Variants in NRBP1 observed in about 807,000 individuals in gnomAD.
NRBP1 encodes the protein nuclear receptor-binding protein.
In NRBP1, 10 loss-of-function variants were observed where a neutral mutation model predicts 76.0. That is an observed-to-expected ratio of 0.13 (90% confidence interval 0.08 to 0.22). The LOEUF (loss-of-function observed/expected upper bound fraction) is 0.22. NRBP1 is among the 10% of genes least tolerant of loss of function. The pLI is 1.00. For synonymous variants in NRBP1, 235 were observed against 240.2 expected, an observed-to-expected ratio of 0.98 and a Z score of 0.20; for missense variants, 344 against 646.0, an observed-to-expected ratio of 0.53 and a Z score of 5.07.
chr2:27,438,419 A>G (rs182342916), intron 10 of NRBP1, among the ~76,000 whole-genome samples: 329 of 152,316 alleles, frequency 2.2e-3, no homozygotes, highest in Non-Finnish European at 3.5e-3. Flanking sequence ...CAGTTGATAG[A>G]CTATAGTAAG....
chr2:27,434,195 CAG>C lies in NRBP1; in HGVS notation c.435+107_435+108del, dbSNP rs535892388. 3,710 of 974,306 alleles carry C rather than the reference CAG, an allele frequency of 3.8e-3. 84 individuals are homozygous for C. The highest frequency in any genetic ancestry group is 1.3e-3 in the Non-Finnish European group (849 of 633,484). 60.4% of individuals were successfully genotyped at this position (974,306 alleles called of 1,614,324 possible). A position where few individuals can be genotyped will look rare whatever the true frequency, so the allele number is the denominator to read the frequency against. The stretch of plus-strand genomic sequence containing the variant: ...AGATTAAAACAAGGTAGTTTTGAAA[CAG>C]AACTGGAATCAGCTGCAATGGCGAT... On this transcript the variant is annotated intron_variant, in intron 4 of 17. Coordinates refer to ENST00000379852, the MANE Select transcript of NRBP1 (RefSeq NM_013392.4).
intron 4 of NRBP1, 84 bp downstream of exon 4, chr2:27,434,174 T>A: frequency 8.9e-7 from 1 of 1,121,188 alleles, no homozygotes; most frequent in Non-Finnish European, 1.3e-6. Flanking sequence ...ACTCAGAGAT[T>A]AAAACAAGGT....
chr2:27,436,731 T>C lies in NRBP1; in HGVS notation c.662-22T>C, dbSNP rs1050014218. The C allele has an allele frequency of 5.0e-6, 8 of 1,600,414 alleles. No individual in the cohort carries two copies. In the Admixed American group the frequency reaches 1.0e-4, roughly 20 times the overall value. ...TTCTTCATTGATGATGGTCAGATTG[T>C]GGGTGTCTCCCCTACTCCCAGTGGC... On this transcript the variant is annotated intron_variant, in intron 7 of 17. Coordinates refer to ENST00000379852, the MANE Select transcript of NRBP1 (RefSeq NM_013392.4).
At chr2:27,430,156 C>G (rs1664048617) in intron 1 of NRBP1, among the ~76,000 whole-genome samples, 1 of 152,140 alleles carries the variant, frequency 6.6e-6, no homozygotes, top group South Asian at 2.1e-4. Context: ...CATGAGCCAG[C>G]GCGCCTGGCA....
intron 7 of NRBP1, chr2:27,435,701 C>T (rs1469665139): frequency 2.0e-5 from 14 of 717,580 alleles, no homozygotes; most frequent in East Asian, 1.3e-4. Flanking sequence ...CTCCCGCTTA[C>T]GGGCTGCTCT....
intron 7 of NRBP1, chr2:27,435,464 TAAG>T (rs1664266880): frequency 1.7e-6 from 1 of 604,334 alleles, no homozygotes; most frequent in African/African-American, 1.9e-5. Flanking sequence ...GAGATACTGA[TAAG>T]AGGCTGGGAA....
In NRBP1 at chr2:27,441,547, C is replaced by G. The variant is rs371150876; in HGVS notation, c.1448-20C>G. On this transcript the variant is annotated intron_variant, in intron 16 of 17. Coordinates refer to ENST00000379852, the MANE Select transcript of NRBP1 (RefSeq NM_013392.4). ...CCCTCAGTCCCGTACTGTACTCACC[C>G]CCTCCTGTTTCTTTGTCAGATGAGA... 1 of 1,613,880 alleles carries G rather than the reference C, an allele frequency of 6.2e-7. No homozygotes were observed. The highest frequency in any genetic ancestry group is 8.5e-7 in the Non-Finnish European group (1 of 1,179,828).
At chr2:27,434,420 A>G in intron 4 of NRBP1, 51 bp from the exon 5 acceptor site, 1 of 1,217,292 alleles carries the variant, frequency 8.2e-7, no homozygotes, top group Non-Finnish European at 1.2e-6. Context: ...TTAACAAGGG[A>G]AGGGATCATT....
intron 7 of NRBP1, 83 bp downstream of exon 7, chr2:27,435,310 C>T (rs1383464874): frequency 1.7e-6 from 2 of 1,194,060 alleles, no homozygotes; most frequent in Non-Finnish European, 2.4e-6. Flanking sequence ...TGGGGGATAA[C>T]AGAGCAAAAT....
chr2:27,439,355 G>A (rs1434939089), intron 10 of NRBP1, among the ~76,000 whole-genome samples: 1 of 151,702 alleles, frequency 6.6e-6, no homozygotes, highest in Admixed American at 6.6e-5. Context: ...CATGGTGGTG[G>A]GCACCTGTAG....
At position 27,430,578 on chromosome 2, in the gene NRBP1, C is replaced by T. The variant is rs187972942; in HGVS notation, c.-21+1847C>T. Among the ~76,000 whole-genome samples the T allele has an allele frequency of 5.9e-3, 896 of 150,846 alleles. 7 individuals are homozygous for T. Among genetic ancestry groups the T allele is most frequent in the Non-Finnish European group, 9.5e-3 (646 of 67,890 alleles). The stretch of plus-strand genomic sequence containing the variant: ...CCGCCTCCTGAGTTCAAGTGATTCT[C>T]GTGCTTCAGCCTCTTGAATAAGCTG... On this transcript the variant is annotated intron_variant, in intron 1 of 17. Transcript: ENST00000379852.
At chr2:27,429,032 CG>C (rs1663990606) in intron 1 of NRBP1, among the ~76,000 whole-genome samples, 3 of 125,468 alleles carry the variant, frequency 2.4e-5, no homozygotes, top group Admixed American at 1.5e-4. Context: ...AGGCGGGGCC[CG>C]GCGGGTGGGG....
chr2:27,434,566 G>T lies in NRBP1; in HGVS notation c.525+6G>T, dbSNP rs1470762106. 1 of 1,613,122 alleles carries T rather than the reference G, an allele frequency of 6.2e-7. No homozygotes were observed. Among genetic ancestry groups the T allele is most frequent in the Non-Finnish European group, 8.5e-7 (1 of 1,179,056 alleles). ...ACAAGACGATGAATGAAAAGGTATA[G>T]AAGGAGAGCAGACAAAGTTTGAGGC... is the stretch of plus-strand genomic sequence containing the variant. On this transcript the variant is annotated splice_donor_region_variant and intron_variant, in intron 5 of 17. Transcript: ENST00000379852.
chr2:27,439,196 G>A (rs919738011), intron 10 of NRBP1, among the ~76,000 whole-genome samples: 21 of 152,042 alleles, frequency 1.4e-4, no homozygotes, highest in African/African-American at 4.8e-4. Context: ...TAAGGAAAAA[G>A]AAAGTGTGGG....
chr2:27,441,632 C>T lies in NRBP1; in HGVS notation c.1503+10C>T. On this transcript the variant is annotated intron_variant, in intron 17 of 17. Coordinates refer to ENST00000379852, the MANE Select transcript of NRBP1 (RefSeq NM_013392.4). ...GGGCTTCATTAGTGAGGTGAGGTTT[C>T]TGCCTTCATCTGCCCTGGCTGCCCC... 1 of 1,614,028 alleles carries T rather than the reference C, an allele frequency of 6.2e-7. No homozygotes were observed. Among genetic ancestry groups the T allele is most frequent in the Non-Finnish European group, 8.5e-7 (1 of 1,179,938 alleles).
intron 11 of NRBP1, 147 bp from the exon 12 acceptor site, chr2:27,440,256 G>T (rs180839958): frequency 7.3e-5 from 47 of 641,722 alleles, no homozygotes; most frequent in Admixed American, 6.7e-4. Flanking sequence ...TGATCTGTCC[G>T]CCTCGGCTTC....
chr2:27,441,158 T>C lies in NRBP1; in HGVS notation c.1361T>C (p.Val454Ala). ...CTGATGCAGTGCAACATTGAGTCGGTGGAGGAGGGAGTCAAACACCACGTA... is the reference window on the plus strand; with the variant it reads ...CTGATGCAGTGCAACATTGAGTCGGCGGAGGAGGGAGTCAAACACCACGTA... ...VVLMQCNIES[V>A]EEGVKHHLTL... The change falls in exon 15 of 18, where the codon GTG becomes GCG. Residue 454 changes from valine (V) to alanine (A), a missense_variant. By Grantham distance (64) the Val-to-Ala change is moderately conservative. Transcript: ENST00000379852. 1.2e-6 allele frequency: 2 copies of C among 1,613,860 alleles called. No individual in the cohort carries two copies. The highest frequency in any genetic ancestry group is 8.5e-7 in the Non-Finnish European group (1 of 1,179,990).
chr2:27,428,450 G>C (rs540300362), upstream of NRBP1: 2 of 388,974 alleles, frequency 5.1e-6, no homozygotes, highest in Admixed American at 4.5e-5. Context: ...CGAAAACATC[G>C]ACCCCTCCGA....
intron 11 of NRBP1, 24 bp downstream of exon 11, chr2:27,439,922 G>T (rs760982004): frequency 3.2e-6 from 5 of 1,575,552 alleles, no homozygotes; most frequent in Non-Finnish European, 2.6e-6. Flanking sequence ...GCCCTATGGG[G>T]AATAGTCTTC....
Sources: gnomAD v4.1 joint callset for allele counts (sites outside exome capture counted in the v4.1 genomes callset) on GRCh38, gnomAD v4.1.1 for gene constraint, MANE v1.5 for transcripts, NCBI Gene and HGNC (gene_info 2026-07-23, HGNC 2026-07-21) for gene names.